OCLN: variants seen among roughly 807,000 people sequenced by gnomAD.
The protein encoded by OCLN is occludin, also known as phosphatase 1, regulatory subunit 115.
Under a neutral mutation model 47.9 loss-of-function variants are expected in OCLN, and 21 were observed. The observed-to-expected ratio is 0.44, with a 90% CI of 0.31 to 0.63. The LOEUF (loss-of-function observed/expected upper bound fraction) is 0.63, where lower values mean the gene tolerates loss of function less well. Ranked by LOEUF, OCLN falls within the 30% of genes least tolerant of loss-of-function variation. The probability of loss-of-function intolerance (pLI) is 0.08; values close to 1 mark genes in which losing one functional copy is unlikely to be tolerated. For synonymous variants in OCLN, 117 were observed against 198.4 expected, an observed-to-expected ratio of 0.59 and a Z score of 3.45; for missense variants, 360 against 571.0, an observed-to-expected ratio of 0.63 and a Z score of 3.77.
At chr5:69,516,270 G>A (rs866761816) in intron 4 of OCLN, among the ~76,000 whole-genome samples, 15 of 152,368 alleles carry the variant, frequency 9.8e-5, no homozygotes, top group African/African-American at 3.1e-4. Context: ...CGAGGCTGGC[G>A]GATCAGTCGC....
chr5:69,509,545 C>T lies in OCLN; in HGVS notation c.455C>T (p.Ala152Val), dbSNP rs142569075. ...ATGGCTGCCTTTTGTTTCATTGCCG[C>T]GTTGGTGATCTTTGTTACCAGTGTT... ...LAMAAFCFIAALVIFVTSVIR... is the reference protein window; with the variant it reads ...LAMAAFCFIAVLVIFVTSVIR... The change falls in exon 3 of 9, where the codon GCG becomes GTG. Residue 152 changes from alanine to valine, a missense_variant. Physicochemically the swap from Ala to Val is moderately conservative, Grantham distance 64. Transcript: ENST00000396442. The T allele has an allele frequency of 8.5e-4, 1,371 of 1,614,122 alleles. 5 individuals are homozygous for T. Among genetic ancestry groups the T allele is most frequent in the Middle Eastern group, 1.2e-3 (7 of 6,062 alleles).
chr5:69,515,672 C>G (rs1315670549), intron 4 of OCLN, among the ~76,000 whole-genome samples: 1 of 150,478 alleles, frequency 6.6e-6, no homozygotes, highest in Non-Finnish European at 1.5e-5. Context: ...GGGTAGCTGC[C>G]GGGCAGAGAC....
At chr5:69,494,558 C>T (rs1167376343) in intron 1 of OCLN, among the ~76,000 whole-genome samples, 1 of 152,188 alleles carries the variant, frequency 6.6e-6, no homozygotes, top group African/African-American at 2.4e-5. Flanking sequence ...GATATTTCCT[C>T]AAACAAAGCA....
At position 69,501,404 on chromosome 5, in the gene OCLN, T is replaced by C. The variant is rs182403714; in HGVS notation, c.-68-2773T>C. 2.6e-3 allele frequency among the ~76,000 whole-genome samples: 389 copies of C among 151,916 alleles called. 1 individual carries two copies. The highest frequency in any genetic ancestry group is 7.7e-3 in the South Asian group (37 of 4,798). ...CAGTACTTTGGGAGGCCAAGGCAGG[T>C]GGATAGCTTGAGCTCAGGGGTTTGA... On this transcript the variant is annotated intron_variant, in intron 1 of 8. Transcript: ENST00000396442.
chr5:69,504,038 T>C (rs1768529028), intron 1 of OCLN, 139 bp from the exon 2 acceptor site: 1 of 611,136 alleles, frequency 1.6e-6, no homozygotes, highest in Non-Finnish European at 3.0e-6. Flanking sequence ...AGATCAAGGC[T>C]GCAGTGAGCT....
rs1320373768 is a variant in OCLN at position 69,554,307 on chromosome 5, CAA to C, written c.*638_*639del. On this transcript the variant is annotated 3_prime_UTR_variant, in exon 9 of 9. Coordinates refer to ENST00000396442, the MANE Select transcript of OCLN (RefSeq NM_001205254.2). ...AATAATAAAGATCATGTAAAAGTAA[CAA>C]ATGTGTGAAATTTAAAGATTGTAAA... 1 of 150,250 alleles carries C rather than the reference CAA, an allele frequency of 6.7e-6. No homozygotes were observed. The highest frequency in any genetic ancestry group is 1.5e-5 in the Non-Finnish European group (1 of 67,696). The allele number at this position is 150,250 out of a possible 1,614,324, so 9.3% of individuals were successfully genotyped here. A position where few individuals can be genotyped will look rare whatever the true frequency, so the allele number is the denominator to read the frequency against.
At chr5:69,501,322 C>T (rs1272505048) in intron 1 of OCLN, among the ~76,000 whole-genome samples, 2 of 152,172 alleles carry the variant, frequency 1.3e-5, no homozygotes, top group Non-Finnish European at 2.9e-5. Context: ...ATGTGTGTTT[C>T]ACCATTACTA....
chr5:69,515,996 G>C (rs1440820651), intron 4 of OCLN, among the ~76,000 whole-genome samples: 1 of 149,132 alleles, frequency 6.7e-6, no homozygotes, highest in South Asian at 2.1e-4. Flanking sequence ...GGGCAGAGAC[G>C]CTCCTCACTT....
intron 1 of OCLN, among the ~76,000 whole-genome samples, chr5:69,498,001 G>A (rs911705490): frequency 4.1e-4 from 62 of 151,356 alleles, no homozygotes; most frequent in African/African-American, 1.3e-3. Context: ...GCGTAGTGGC[G>A]GGCGCCTGTA....
Position 69,509,269 on chromosome 5 carries a change from C to T in OCLN, c.179C>T (p.Ser60Phe), listed in dbSNP as rs200344104. 6 of 1,614,222 alleles carry T rather than the reference C, an allele frequency of 3.7e-6. No homozygotes were observed. The highest frequency in any genetic ancestry group is 5.1e-6 in the Non-Finnish European group (6 of 1,180,032). The change falls in exon 3 of 9, where the codon TCT (serine) becomes TTT (phenylalanine). Residue 60 changes from serine to phenylalanine, a missense_variant. Around this residue, in one of 3 missense-constraint regions of OCLN, gnomAD observed 314 missense variants for 368.1 expected, o/e 0.85. Coordinates refer to ENST00000396442, the MANE Select transcript of OCLN (RefSeq NM_001205254.2). ...DEILHFYKWT[S>F]PPGVIRILSM... The stretch of plus-strand genomic sequence containing the variant: ...ATTCTTCACTTCTACAAATGGACCT[C>T]TCCTCCAGGAGTGATTCGGATCCTG...
intron 1 of OCLN, among the ~76,000 whole-genome samples, chr5:69,497,844 G>A (rs1439985774): frequency 6.6e-6 from 1 of 152,140 alleles, no homozygotes; most frequent in African/African-American, 2.4e-5. Flanking sequence ...GTTAGCTTTT[G>A]TTGAAATTCT....
At chr5:69,524,181 T>C (rs1004803826) in intron 4 of OCLN, among the ~76,000 whole-genome samples, 4 of 152,126 alleles carry the variant, frequency 2.6e-5, no homozygotes, top group African/African-American at 7.2e-5. Context: ...TGCACAGAAA[T>C]AGATTAATTC....
chr5:69,505,253 AAAAT>A (rs1230775095), intron 2 of OCLN, among the ~76,000 whole-genome samples: 2 of 152,214 alleles, frequency 1.3e-5, no homozygotes, highest in Non-Finnish European at 2.9e-5. Flanking sequence ...TCCGTCTCAA[AAAAT>A]AAATAAATAA....
At chr5:69,505,371 C>A (rs948389964) in intron 2 of OCLN, among the ~76,000 whole-genome samples, 2 of 152,134 alleles carry the variant, frequency 1.3e-5, no homozygotes, top group Non-Finnish European at 1.5e-5. Context: ...AGTTGTAGAA[C>A]CATCACCACA....
chr5:69,503,574 G>C (rs1016424134), intron 1 of OCLN, among the ~76,000 whole-genome samples: 9 of 152,168 alleles, frequency 5.9e-5, no homozygotes, highest in African/African-American at 2.2e-4. Context: ...CTTAATAAAT[G>C]CTTGTTGAGT....
At chr5:69,515,074 G>A (rs1399493667) in intron 4 of OCLN, among the ~76,000 whole-genome samples, 1 of 152,124 alleles carries the variant, frequency 6.6e-6, no homozygotes, top group African/African-American at 2.4e-5. Context: ...CTGGGCAGAG[G>A]GGCTCCTCAC....
chr5:69,549,340 C>CAAAAAAAAAAAAAAAAAAAAAAAAA, intron 7 of OCLN, among the ~76,000 whole-genome samples: 1 of 51,532 alleles, frequency 1.9e-5, no homozygotes, highest in Non-Finnish European at 3.3e-5. Context: ...GACTCCATCT[C>CAAAAAAAAAAAAAAAAAAAAAAAAA]AAAAAAAAAA....
chr5:69,515,871 A>G (rs1768948232), intron 4 of OCLN, among the ~76,000 whole-genome samples: 2 of 146,962 alleles, frequency 1.4e-5, no homozygotes, highest in Admixed American at 1.3e-4. Flanking sequence ...GTGGCGGGGC[A>G]GAGGCGCTCC....
At chr5:69,530,025 T>C (rs1769387029) in intron 4 of OCLN, among the ~76,000 whole-genome samples, 3 of 152,300 alleles carry the variant, frequency 2.0e-5, no homozygotes, top group Admixed American at 6.5e-5. Context: ...GAATTATGCC[T>C]AGCTGGTTTT....
Sources: gnomAD v4.1 joint callset for allele counts (sites outside exome capture counted in the v4.1 genomes callset) on GRCh38, gnomAD v4.1.1 for gene constraint, gnomAD v4.1.1 regional missense constraint, MANE v1.5 for transcripts, NCBI Gene and HGNC (gene_info 2026-07-23, HGNC 2026-07-21) for gene names.